ZNF155: variants seen among roughly 807,000 people sequenced by gnomAD.
The protein encoded by ZNF155 is zinc finger protein 155, also known as KRAB A domain.
In ZNF155, 15 loss-of-function variants were observed where a neutral mutation model predicts 11.9. The observed-to-expected ratio is 1.26, with a 90% CI of 0.84 to 1.94. ZNF155 has a LOEUF of 1.94. Among genes scored for constraint, ZNF155 ranks in the 30% most tolerant of loss-of-function variants. ZNF155 has a pLI of 0.00. For missense variants in ZNF155, 602 were observed against 639.1 expected (o/e 0.94, Z 0.63); for synonymous variants, 212 against 219.9 (o/e 0.96, Z 0.32).
Position 43,997,379 on chromosome 19 carries a change from G to A in ZNF155, c.1522G>A (p.Gly508Arg), listed in dbSNP as rs756824964. 3 of 1,613,620 alleles carry A rather than the reference G, an allele frequency of 1.9e-6. No homozygotes were observed. In the African/African-American group the frequency reaches 4.0e-5, roughly 22 times the overall value. ...TAAAGACCAGCCGAGAGACTATAGT[G>A]GGGAAAACCCATCCAAATGTGAGGA... is the stretch of plus-strand genomic sequence containing the variant. ...YRKDQPRDYS[G>R]ENPSKCEDCG... The change falls in exon 5 of 5, where the codon GGG (glycine) becomes AGG (arginine). Residue 508 changes from glycine to arginine, a missense_variant. Coordinates refer to ENST00000270014, the MANE Select transcript of ZNF155 (RefSeq NM_198089.3).
At chr19:43,985,231 T>G (rs1446772095) in intron 1 of ZNF155, among the ~76,000 whole-genome samples, 8 of 151,962 alleles carry the variant, frequency 5.3e-5, no homozygotes, top group Non-Finnish European at 8.8e-5. Context: ...CGGCTAATTT[T>G]TGTATTTTTA....
At chr19:43,987,714 A>C (rs993510478) in intron 1 of ZNF155, among the ~76,000 whole-genome samples, 1 of 152,204 alleles carries the variant, frequency 6.6e-6, no homozygotes, top group African/African-American at 2.4e-5. Flanking sequence ...TCACTCTAAA[A>C]ATGAACTGCC....
chr19:43,990,756 C>T lies in ZNF155; in HGVS notation c.16-792C>T, dbSNP rs561285761. ...TGTGTGAGTCCTGTGAGACAGAACA[C>T]GATCTCACTCAACAGATTACGTGAA... On this transcript the variant is annotated intron_variant, in intron 2 of 4. Transcript: ENST00000270014. Among the ~76,000 whole-genome samples, 76 of 152,290 alleles carry T rather than the reference C, an allele frequency of 5.0e-4. 1 individual carries two copies. Among genetic ancestry groups the T allele is most frequent in the South Asian group, 3.9e-3 (19 of 4,828 alleles).
At chr19:43,995,625 C>T (rs1353663551) in intron 4 of ZNF155, among the ~76,000 whole-genome samples, 1 of 152,010 alleles carries the variant, frequency 6.6e-6, no homozygotes, top group East Asian at 1.9e-4. Context: ...CTCCAGTGAT[C>T]AATCCCAAAG....
In ZNF155 at chr19:43,997,241, G is replaced by A. The variant is rs371044406; in HGVS notation, c.1384G>A (p.Gly462Arg). The A allele has an allele frequency of 6.2e-7, 1 of 1,614,120 alleles. No homozygotes were observed. Among genetic ancestry groups the A allele is most frequent in the African/African-American group, 1.3e-5 (1 of 75,020 alleles). ...GERPYNCKEC[G>R]KNFSRASSIL... The stretch of plus-strand genomic sequence containing the variant: ...GAGACCTTATAATTGTAAGGAATGT[G>A]GGAAGAACTTTAGCCGGGCCTCAAG... The change falls in exon 5 of 5, where the codon GGG (glycine) becomes AGG (arginine). Residue 462 changes from glycine (G) to arginine (R), a missense_variant. Gly to Arg is a moderately radical substitution (Grantham distance 125). Transcript: ENST00000270014.
At position 43,991,908 on chromosome 19, in the gene ZNF155, C is replaced by A; in HGVS notation, c.209C>A (p.Thr70Lys). 2 of 1,613,860 alleles carry A rather than the reference C, an allele frequency of 1.2e-6. No homozygotes were observed. Among genetic ancestry groups the A allele is most frequent in the Non-Finnish European group, 1.7e-6 (2 of 1,179,864 alleles). ...GAAGAAAAGTTTTGGATGATGGGGA[C>A]AGCAACCCAAAGAGAAGGGAATTCA... ...LREEKFWMMG[T>K]ATQREGNSGG... The change falls in exon 4 of 5, where the codon ACA (threonine) becomes AAA (lysine). Residue 70 changes from threonine to lysine, a missense_variant. By Grantham distance (78) the Thr-to-Lys change is moderately conservative. Coordinates refer to ENST00000270014, the MANE Select transcript of ZNF155 (RefSeq NM_198089.3).
intron 1 of ZNF155, among the ~76,000 whole-genome samples, chr19:43,985,407 G>A (rs1459760322): frequency 1.3e-5 from 2 of 152,084 alleles, no homozygotes; most frequent in East Asian, 3.9e-4. Flanking sequence ...GAGTGTATAG[G>A]ATGTGTCCTT....
rs756914892 is a variant in ZNF155, at chr19:43,997,317, A to G, written c.1460A>G (p.Glu487Gly). Residue 487 changes from glutamate to glycine, a missense_variant, in exon 5 of 5, where the codon GAG becomes GGG. Coordinates refer to ENST00000270014, the MANE Select transcript of ZNF155 (RefSeq NM_198089.3). ...LHCQKKPFKC[E>G]DCGKRLVHRT... is the part of the protein sequence containing the mutation. ...TGCCAGAAAAAACCATTCAAATGTG[A>G]GGACTGTGGAAAGAGGCTTGTACAC... 8 of 1,614,194 alleles carry G rather than the reference A, an allele frequency of 5.0e-6. No individual in the cohort carries two copies. The South Asian group carries it at 7.7e-5, about 16-fold the overall frequency.
rs1975538472 is a variant in ZNF155 at position 43,988,456 on chromosome 19, C to T, written c.-85-3C>T. The T allele has an allele frequency of 1.7e-5, 24 of 1,405,520 alleles. 1 individual carries two copies. The South Asian group carries it at 2.5e-4, about 14-fold the overall frequency. 87.1% of individuals were successfully genotyped at this position (1,405,520 alleles called of 1,614,324 possible). ...CACAACACACATCTCTCTTTTTCTG[C>T]AGACTGTGGCACGTTTCAGGCAGGA... is the stretch of plus-strand genomic sequence containing the variant. On this transcript the variant is annotated splice_polypyrimidine_tract_variant and splice_region_variant and intron_variant, in intron 1 of 4. Coordinates refer to ENST00000270014, the MANE Select transcript of ZNF155 (RefSeq NM_198089.3).
At position 43,991,845 on chromosome 19, in the gene ZNF155, A is replaced by C. The variant is rs1376506496; in HGVS notation, c.146A>C (p.His49Pro). Residue 49 changes from histidine (H) to proline (P), a missense_variant, in exon 4 of 5, where the codon CAT becomes CCT. By Grantham distance (77) the His-to-Pro change is moderately conservative. Coordinates refer to ENST00000270014, the MANE Select transcript of ZNF155 (RefSeq NM_198089.3). The part of the protein sequence containing the change: ...ENFRNLLSVG[H>P]QPFHQDTCHF... ...ACGTGACCTTACCTATTCACAGGGC[A>C]TCAACCGTTCCACCAAGATACTTGC... The C allele has an allele frequency of 1.2e-6, 2 of 1,613,692 alleles. No individual in the cohort carries two copies. The highest frequency in any genetic ancestry group is 2.7e-5 in the African/African-American group (2 of 75,030).
chr19:43,990,217 A>G, intron 2 of ZNF155: 1 of 659,794 alleles, frequency 1.5e-6, no homozygotes, highest in South Asian at 2.3e-5. Context: ...ATTTTAAACA[A>G]TGAGAGAGTA....
intron 1 of ZNF155, among the ~76,000 whole-genome samples, chr19:43,985,906 G>A (rs1310448941): frequency 6.6e-6 from 1 of 152,180 alleles, no homozygotes; most frequent in Admixed American, 6.5e-5. Context: ...ATGAGGTACA[G>A]CTGGAGCTGG....
chr19:43,994,579 G>T (rs1036458877), intron 4 of ZNF155, among the ~76,000 whole-genome samples: 2 of 152,162 alleles, frequency 1.3e-5, no homozygotes, highest in African/African-American at 4.8e-5. Flanking sequence ...CTCACTGACT[G>T]ATTTTTACAG....
At chr19:43,992,054 C>A in intron 4 of ZNF155, 120 bp downstream of exon 4, 1 of 936,738 alleles carries the variant, frequency 1.1e-6, no homozygotes, top group Non-Finnish European at 1.6e-6. Context: ...ATTATTACAA[C>A]TGCCTTCCAG....
At chr19:43,990,820 A>C (rs894875853) in intron 2 of ZNF155, among the ~76,000 whole-genome samples, 1 of 152,230 alleles carries the variant, frequency 6.6e-6, no homozygotes, top group South Asian at 2.1e-4. Flanking sequence ...AAGGGAGCAC[A>C]GGAGTGTAGG....
At chr19:43,984,635 A>C (rs1449690771) in intron 1 of ZNF155, among the ~76,000 whole-genome samples, 2 of 152,170 alleles carry the variant, frequency 1.3e-5, no homozygotes, top group Non-Finnish European at 2.9e-5. Context: ...TGAGGATTTC[A>C]GGACCATCCT....
In ZNF155 at chr19:43,996,160, G is replaced by A. The variant is rs1382302764; in HGVS notation, c.303G>A (p.Gln101=). Reference sequence around the variant, plus strand: ...GAGCACATGAAGAGTGGTCCTGCCAGCAAATCTGGGAACAAATTGCAAAAG... The same window carrying A: ...GAGCACATGAAGAGTGGTCCTGCCAACAAATCTGGGAACAAATTGCAAAAG... ...EAGAHEEWSC[Q]QIWEQIAKDL... Residue 101 remains glutamine (Q), a synonymous_variant, in exon 5 of 5, where the codon CAG becomes CAA. Transcript: ENST00000270014. The A allele has an allele frequency of 1.2e-6, 2 of 1,613,900 alleles. No individual in the cohort carries two copies. Among genetic ancestry groups the A allele is most frequent in the African/African-American group, 2.7e-5 (2 of 74,912 alleles).
At chr19:43,986,294 A>G (rs1975439213) in intron 1 of ZNF155, among the ~76,000 whole-genome samples, 2 of 152,180 alleles carry the variant, frequency 1.3e-5, no homozygotes, top group South Asian at 4.2e-4. Flanking sequence ...TGTCTATTGT[A>G]TATTTATTTA....
At chr19:43,993,976 C>A (rs1238278350) in intron 4 of ZNF155, among the ~76,000 whole-genome samples, 1 of 152,148 alleles carries the variant, frequency 6.6e-6, no homozygotes, top group Non-Finnish European at 1.5e-5. Context: ...GTATGAGTGA[C>A]TCTAGGAGGC....
Sources: gnomAD v4.1 joint callset for allele counts (sites outside exome capture counted in the v4.1 genomes callset) on GRCh38, gnomAD v4.1.1 for gene constraint, MANE v1.5 for transcripts, NCBI Gene and HGNC (gene_info 2026-07-23, HGNC 2026-07-21) for gene names.